Variants in PFKFB4 observed in about 807,000 individuals in gnomAD.
The protein encoded by PFKFB4 is 6-phosphofructo-2-kinase/fructose-2,6-bisphosphatase 4.
PFKFB4 carries 42 observed loss-of-function variants against 62.8 expected under a neutral mutation model. The ratio of observed to expected loss-of-function variants is 0.67; its 90% CI spans 0.52 to 0.86. PFKFB4 has a LOEUF of 0.86. Ranked by LOEUF, PFKFB4 falls within the 40% of genes least tolerant of loss-of-function variation. The pLI is 0.00. For missense variants in PFKFB4, 475 were observed against 627.2 expected (o/e 0.76, Z 2.59); for synonymous variants, 204 against 240.7 (o/e 0.85, Z 1.41).
chr3:48,543,436 C>T, intron 4 of PFKFB4, 144 bp downstream of exon 4: 1 of 727,568 alleles, frequency 1.4e-6, no homozygotes, highest in Non-Finnish European at 2.4e-6. Flanking sequence ...ATAGCTGTTG[C>T]AGACTTCCTC....
At chr3:48,528,361 A>G (rs2042329631) in intron 9 of PFKFB4, among the ~76,000 whole-genome samples, 1 of 152,134 alleles carries the variant, frequency 6.6e-6, no homozygotes, top group South Asian at 2.1e-4. Flanking sequence ...ATAAAAATAT[A>G]AGTCCGCACA....
At chr3:48,559,898 CCACACACACACACACACACACACA>C (rs34826551), upstream of PFKFB4, 564 of 191,734 alleles carry the variant, frequency 2.9e-3, 5 homozygotes, top group African/African-American at 0.012. Context: ...AACCATCCCA[CCACACACACACACACACACACACA>C]CACACACACA....
chr3:48,549,075 G>A (rs1237619139), intron 3 of PFKFB4, among the ~76,000 whole-genome samples: 2 of 152,118 alleles, frequency 1.3e-5, no homozygotes, highest in Admixed American at 1.3e-4. Flanking sequence ...GCCACCCTAG[G>A]TTGATAAGGG....
intron 3 of PFKFB4, 116 bp downstream of exon 3, chr3:48,549,748 C>T: frequency 1.4e-6 from 1 of 719,630 alleles, no homozygotes; most frequent in Non-Finnish European, 2.5e-6. Context: ...GTAGCTCAGT[C>T]ATTCACCAGC....
At chr3:48,555,085 C>T (rs2043271639) in intron 1 of PFKFB4, among the ~76,000 whole-genome samples, 1 of 150,104 alleles carries the variant, frequency 6.7e-6, no homozygotes, top group South Asian at 2.1e-4. Flanking sequence ...CAGGTCCTCA[C>T]TCCTTTCCCC....
At chr3:48,526,270 A>G (rs140565864) in intron 9 of PFKFB4, among the ~76,000 whole-genome samples, 137 of 151,350 alleles carry the variant, frequency 9.1e-4, no homozygotes, top group African/African-American at 2.5e-3. Context: ...GAAAAGAAAA[A>G]AAAAGAAAAG....
At position 48,523,751 on chromosome 3, in the gene PFKFB4, T is replaced by C. The variant is rs1397177808; in HGVS notation, c.1172A>G (p.His391Arg). ...CAGCAGGCAGCGCATCACAGCCTGG[T>C]GGCAGATGACCAGCACATTCTCTTG... ...ERQENVLVICHQAVMRCLLAY... is the reference protein window; with the variant it reads ...ERQENVLVICRQAVMRCLLAY... Residue 391 changes from histidine (H) to arginine (R), a missense_variant, in exon 11 of 14, where the codon CAC (histidine) becomes CGC (arginine). His to Arg is a conservative substitution (Grantham distance 29). Transcript: ENST00000232375. 6.2e-7 allele frequency: 1 copy of C among 1,614,092 alleles called. No homozygotes were observed. The highest frequency in any genetic ancestry group is 8.5e-7 in the Non-Finnish European group (1 of 1,180,048).
chr3:48,550,006 A>C, intron 2 of PFKFB4, 46 bp from the exon 3 acceptor site: 1 of 1,471,870 alleles, frequency 6.8e-7, no homozygotes, highest in Non-Finnish European at 9.5e-7. Context: ...AGCAACCCCT[A>C]CCAACCCTGA....
In PFKFB4 at chr3:48,523,620, G is replaced by A. The variant is rs981422821; in HGVS notation, c.1223-21C>T. 2.2e-5 allele frequency: 35 copies of A among 1,613,964 alleles called. No homozygotes were observed. The African/African-American group carries it at 4.0e-4, about 18-fold the overall frequency. On this transcript the variant is annotated intron_variant, in intron 11 of 13. Coordinates refer to ENST00000232375, the MANE Select transcript of PFKFB4 (RefSeq NM_004567.4). ...CTGTTCTGTAGACACAGAGGGGGAT[G>A]GCTAGCACACCAGAAATGCCTGGTG...
At chr3:48,547,414 G>A (rs2042999157) in intron 3 of PFKFB4, among the ~76,000 whole-genome samples, 1 of 152,064 alleles carries the variant, frequency 6.6e-6, no homozygotes, top group Non-Finnish European at 1.5e-5. Flanking sequence ...GCTTGTGTGT[G>A]GTATAGGACT....
At chr3:48,528,302 A>T (rs1354868771) in intron 9 of PFKFB4, among the ~76,000 whole-genome samples, 1 of 152,180 alleles carries the variant, frequency 6.6e-6, no homozygotes, top group Non-Finnish European at 1.5e-5. Flanking sequence ...TTGAATGTAT[A>T]ATTACCATAT....
Position 48,535,521 on chromosome 3 carries a change from C to G in PFKFB4, c.978G>C (p.Glu326Asp), listed in dbSNP as rs771553926. 1.8e-5 allele frequency: 29 copies of G among 1,613,484 alleles called. 1 individual carries two copies. The East Asian group carries it at 6.2e-4, about 35-fold the overall frequency. Residue 326 changes from glutamate to aspartate, a missense_variant, in exon 9 of 14, where the codon GAG (glutamate) becomes GAC (aspartate). Coordinates refer to ENST00000232375, the MANE Select transcript of PFKFB4 (RefSeq NM_004567.4). The stretch of plus-strand genomic sequence containing the variant: ...GAGGGACGGTAACTACCGCATCGAT[C>G]TCGTTGAGGACCTTCCACTGTTCAT... ...VPYEQWKVLNEIDAGVCEEMT... is the reference protein window; with the variant it reads ...VPYEQWKVLNDIDAGVCEEMT...
At chr3:48,552,565 T>C (rs1247058882) in intron 1 of PFKFB4, among the ~76,000 whole-genome samples, 1 of 152,212 alleles carries the variant, frequency 6.6e-6, no homozygotes, top group Non-Finnish European at 1.5e-5. Context: ...TCAGGGCCGG[T>C]GGACAGCTGA....
At chr3:48,537,367 T>C (rs2042653341) in intron 7 of PFKFB4, among the ~76,000 whole-genome samples, 3 of 152,004 alleles carry the variant, frequency 2.0e-5, no homozygotes, top group Non-Finnish European at 2.9e-5. Flanking sequence ...TGGGGGACCA[T>C]GAAAGCCATA....
At chr3:48,536,563 T>C in intron 7 of PFKFB4, 100 bp from the exon 8 acceptor site, 9 of 866,922 alleles carry the variant, frequency 1.0e-5, no homozygotes, top group Non-Finnish European at 1.7e-5. Flanking sequence ...GCCTTGCACT[T>C]CCAACCACCA....
At chr3:48,543,714 C>T (rs1172277867) in intron 3 of PFKFB4, 68 bp from the exon 4 acceptor site, 36 of 1,237,010 alleles carry the variant, frequency 2.9e-5, no homozygotes, top group Non-Finnish European at 4.2e-5. Flanking sequence ...GCCAGGGACA[C>T]ACAACAGGAG....
chr3:48,558,739 A>G (rs935369223), upstream of PFKFB4, among the ~76,000 whole-genome samples: 2 of 152,172 alleles, frequency 1.3e-5, no homozygotes, highest in South Asian at 2.1e-4. Context: ...CTTTTGCAGT[A>G]TCTACCCGCT....
intron 9 of PFKFB4, chr3:48,525,905 TAC>T (rs1318903900): frequency 3.8e-5 from 13 of 343,774 alleles, no homozygotes; most frequent in Non-Finnish European, 6.4e-5. Flanking sequence ...ACCCATCCAA[TAC>T]ACACAGAGAT....
At chr3:48,545,526 G>A (rs1354165777) in intron 3 of PFKFB4, among the ~76,000 whole-genome samples, 1 of 152,184 alleles carries the variant, frequency 6.6e-6, no homozygotes, top group African/African-American at 2.4e-5. Context: ...GAAATACAGC[G>A]GCAGAAGCTG....
Sources: gnomAD v4.1 joint callset for allele counts (sites outside exome capture counted in the v4.1 genomes callset) on GRCh38, gnomAD v4.1.1 for gene constraint, MANE v1.5 for transcripts, NCBI Gene and HGNC (gene_info 2026-07-23, HGNC 2026-07-21) for gene names.